The following CCR5AS variants were observed in gnomAD, a reference collection of about 807,000 sequenced individuals.
CCR5AS encodes the protein CCR5 antisense RNA.
chr3:46,403,047 C>T (rs1441124565), intron 1 of CCR5AS, among the ~76,000 whole-genome samples: 5 of 152,220 alleles, frequency 3.3e-5, no homozygotes, highest in Admixed American at 1.3e-4. Context: ...CAGCTCCATT[C>T]GTGTTTCCAC....
chr3:46,367,687 C>T (rs1477422595), intron 3 of CCR5AS, among the ~76,000 whole-genome samples: 1 of 152,164 alleles, frequency 6.6e-6, no homozygotes, highest in African/African-American at 2.4e-5. Context: ...TCTCCCACTT[C>T]AGCCTCCTGA....
intron 2 of CCR5AS, chr3:46,372,792 C>T: frequency 2.5e-6 from 2 of 794,252 alleles, no homozygotes; most frequent in Non-Finnish European, 4.0e-6. Context: ...TCTATGTAGG[C>T]AATTAAAAAC....
chr3:46,372,390 G>C (rs1701674852), intron 2 of CCR5AS, among the ~76,000 whole-genome samples: 1 of 152,064 alleles, frequency 6.6e-6, no homozygotes, highest in East Asian at 1.9e-4. Context: ...AATTAGCTTG[G>C]TGTGGTGGCG....
At chr3:46,384,990 G>A (rs941851343) in intron 2 of CCR5AS, among the ~76,000 whole-genome samples, 1 of 152,156 alleles carries the variant, frequency 6.6e-6, no homozygotes, top group Non-Finnish European at 1.5e-5. Context: ...AGGAGATCAG[G>A]AGCAGTGGGC....
At chr3:46,392,935 T>C (rs940840492) in exon 2 of CCR5AS, 3 of 171,296 alleles carry the variant, frequency 1.8e-5, no homozygotes, top group Non-Finnish European at 3.6e-5. Flanking sequence ...CCCGAAGGAG[T>C]CACCCTGTCC....
intron 2 of CCR5AS, among the ~76,000 whole-genome samples, chr3:46,380,983 T>C (rs898259194): frequency 2.6e-5 from 4 of 152,156 alleles, no homozygotes; most frequent in African/African-American, 9.7e-5. Context: ...TCAACTTTCA[T>C]AACAGAACAT....
intron 2 of CCR5AS, among the ~76,000 whole-genome samples, chr3:46,379,643 C>G (rs1048306156): frequency 2.6e-5 from 4 of 152,092 alleles, no homozygotes; most frequent in African/African-American, 9.7e-5. Flanking sequence ...ACCTGTAATC[C>G]CAGCACTTTG....
chr3:46,404,150 G>A (rs145266255), intron 1 of CCR5AS, among the ~76,000 whole-genome samples: 28 of 152,088 alleles, frequency 1.8e-4, no homozygotes, highest in Admixed American at 3.9e-4. Context: ...CTGCGTCTTC[G>A]GTAAAATTAT....
chr3:46,387,373 C>T (rs1220751066), intron 2 of CCR5AS, among the ~76,000 whole-genome samples: 2 of 152,200 alleles, frequency 1.3e-5, no homozygotes, highest in African/African-American at 4.8e-5. Flanking sequence ...CACCAGTCTT[C>T]CAGCACTGTC....
At chr3:46,375,672 G>C (rs574892806) in intron 2 of CCR5AS, 2 of 162,786 alleles carry the variant, frequency 1.2e-5, no homozygotes, top group Non-Finnish European at 3.0e-5. Context: ...GGGTGGGGGG[G>C]GCGCCTTAGG....
At chr3:46,367,585 TG>T (rs1241867847) in intron 3 of CCR5AS, among the ~76,000 whole-genome samples, 3 of 152,350 alleles carry the variant, frequency 2.0e-5, no homozygotes, top group Admixed American at 1.3e-4. Flanking sequence ...TTGTTTGGTT[TG>T]GTTTTGAGAC....
intron 3 of CCR5AS, among the ~76,000 whole-genome samples, chr3:46,368,484 C>A (rs957414170): frequency 9.9e-5 from 15 of 152,158 alleles, no homozygotes; most frequent in Non-Finnish European, 1.6e-4. Flanking sequence ...GGGCTGAACC[C>A]CCCTGTCCTG....
chr3:46,394,710 C>T (rs1380012920), intron 1 of CCR5AS, among the ~76,000 whole-genome samples: 3 of 152,044 alleles, frequency 2.0e-5, no homozygotes, highest in African/African-American at 2.4e-5. Context: ...GAAAAGTGTA[C>T]GTGACAGGAA....
At chr3:46,390,725 G>C (rs1701904351) in intron 2 of CCR5AS, among the ~76,000 whole-genome samples, 1 of 152,132 alleles carries the variant, frequency 6.6e-6, no homozygotes, top group Non-Finnish European at 1.5e-5. Flanking sequence ...AGATAATTTG[G>C]TTAAAATGTC....
At chr3:46,401,739 T>C (rs1182725021) in intron 1 of CCR5AS, among the ~76,000 whole-genome samples, 2 of 150,976 alleles carry the variant, frequency 1.3e-5, no homozygotes, top group Admixed American at 6.6e-5. Flanking sequence ...GACCACACAG[T>C]AATATTTATT....
intron 2 of CCR5AS, among the ~76,000 whole-genome samples, chr3:46,389,472 G>A (rs901325808): frequency 6.6e-6 from 1 of 152,166 alleles, no homozygotes; most frequent in African/African-American, 2.4e-5. Context: ...GTTTGGAGGA[G>A]GCAAGAGAAG....
intron 2 of CCR5AS, among the ~76,000 whole-genome samples, chr3:46,383,105 ACT>A (rs1372314994): frequency 6.6e-6 from 1 of 152,150 alleles, no homozygotes; most frequent in Admixed American, 6.5e-5. Context: ...AATCCAGCTC[ACT>A]CTCTGCAGTG....
intron 2 of CCR5AS, among the ~76,000 whole-genome samples, chr3:46,390,525 CG>C (rs2106770168): frequency 6.6e-6 from 1 of 152,026 alleles, no homozygotes; most frequent in African/African-American, 2.4e-5. Flanking sequence ...TGGCATTGAG[CG>C]GGGTAAGGGT....
intron 2 of CCR5AS, among the ~76,000 whole-genome samples, chr3:46,383,391 A>G (rs1010591799): frequency 1.3e-5 from 2 of 152,220 alleles, no homozygotes; most frequent in African/African-American, 4.8e-5. Context: ...ACTCTGACAG[A>G]AGCTTACACT....
Sources: gnomAD v4.1 joint callset for allele counts (sites outside exome capture counted in the v4.1 genomes callset) on GRCh38, gnomAD v4.1.1 for gene constraint, MANE v1.5 for transcripts, NCBI Gene and HGNC (gene_info 2026-07-23, HGNC 2026-07-21) for gene names.